The following PWWP2B variants were observed in gnomAD, a reference collection of about 807,000 sequenced individuals.
PWWP2B encodes the protein PWWP domain containing 2B.
In PWWP2B, 9 loss-of-function variants were observed where a neutral mutation model predicts 15.5. The ratio of observed to expected loss-of-function variants is 0.58; its 90% CI spans 0.35 to 1.02. The LOEUF is 1.02. PWWP2B is among the 50% of genes least tolerant of loss of function. PWWP2B has a pLI of 0.02. For synonymous variants in PWWP2B, 474 were observed against 403.6 expected (o/e 1.17, Z -2.09); for missense variants, 864 against 865.3 (o/e 1.00, Z 0.02).
At chr10:132,399,400 G>T (rs989476285) in intron 1 of PWWP2B, among the ~76,000 whole-genome samples, 40 of 152,258 alleles carry the variant, frequency 2.6e-4, no homozygotes, top group Non-Finnish European at 5.1e-4. Flanking sequence ...GGGAATGGCG[G>T]CCCCGCTCAC....
rs372035621 is a variant in PWWP2B, at chr10:132,406,108, G to T, written c.1608G>T (p.Thr536=). 1.2e-6 allele frequency: 2 copies of T among 1,613,846 alleles called. No homozygotes were observed. The highest frequency in any genetic ancestry group is 2.2e-5 in the East Asian group (1 of 44,888). Residue 536 remains threonine (T), a synonymous_variant, in exon 2 of 3, where the codon ACG becomes ACT. Transcript: ENST00000305233. ...AKVSWFGSPT[T]SFLSISKLSP... ...TCTCGTGGTTTGGTTCTCCGACTAC[G>T]TCGTTCTTGTCTATTTCAAAACTCT...
At position 132,405,979 on chromosome 10, in the gene PWWP2B, C is replaced by T. The variant is rs375355048; in HGVS notation, c.1479C>T (p.Ile493=). The T allele has an allele frequency of 1.4e-5, 23 of 1,613,454 alleles. No homozygotes were observed. In the African/African-American group the frequency reaches 2.0e-4, roughly 14 times the overall value. Residue 493 remains isoleucine (I), a synonymous_variant, in exon 2 of 3, where the codon ATC becomes ATT. Transcript: ENST00000305233. ...GCAGGACTGTGGCCGTGGGGGACATCGTCTGGGGTAAGATCCATGGTTTTC... is the reference window on the plus strand; with the variant it reads ...GCAGGACTGTGGCCGTGGGGGACATTGTCTGGGGTAAGATCCATGGTTTTC... ...EDGRTVAVGD[I]VWGKIHGFPW...
At chr10:132,410,810 A>G (rs980474897) in intron 2 of PWWP2B, among the ~76,000 whole-genome samples, 1 of 152,198 alleles carries the variant, frequency 6.6e-6, no homozygotes, top group Admixed American at 6.5e-5. Flanking sequence ...GTGGGGACTC[A>G]ATGCTCTCCT....
rs767230881 is a variant in PWWP2B, at chr10:132,405,603, C to G, written c.1103C>G (p.Pro368Arg). The change falls in exon 2 of 3, where the codon CCC becomes CGC. Residue 368 changes from proline (P) to arginine (R), a missense_variant. This residue lies in a region of PWWP2B where 736 missense variants were observed against 687.7 expected (regional missense o/e 1.07). Transcript: ENST00000305233. ...NGYLRDSSPA[P>R]CADGPAGGLA... ...TACCTGCGGGACAGCTCGCCGGCGC[C>G]CTGTGCGGACGGCCCTGCCGGTGGG... The G allele has an allele frequency of 6.2e-7, 1 of 1,611,504 alleles. No homozygotes were observed. Among genetic ancestry groups the G allele is most frequent in the South Asian group, 1.1e-5 (1 of 91,076 alleles).
Position 132,406,132 on chromosome 10 carries a change from C to T in PWWP2B, c.1632C>T (p.Leu544=), listed in dbSNP as rs2133157034. ...PTTSFLSISK[L]SPFSEFFKLR... ...CGTCGTTCTTGTCTATTTCAAAACTCTCCCCTTTCTCTGAATTTTTCAAAC... is the reference window on the plus strand; with the variant it reads ...CGTCGTTCTTGTCTATTTCAAAACTTTCCCCTTTCTCTGAATTTTTCAAAC... Residue 544 remains leucine (L), a synonymous_variant, in exon 2 of 3, where the codon CTC becomes CTT. Transcript: ENST00000305233. The T allele has an allele frequency of 3.1e-6, 5 of 1,613,746 alleles. No individual in the cohort carries two copies. The highest frequency in any genetic ancestry group is 3.4e-6 in the Non-Finnish European group (4 of 1,180,016).
chr10:132,417,491 G>T lies in PWWP2B; in HGVS notation c.*447G>T, dbSNP rs189566763. 4.8e-6 allele frequency: 1 copy of T among 210,512 alleles called. No homozygotes were observed. The highest frequency in any genetic ancestry group is 9.6e-6 in the Non-Finnish European group (1 of 104,530). 13.0% of individuals were successfully genotyped at this position (210,512 alleles called of 1,614,324 possible). On this transcript the variant is annotated 3_prime_UTR_variant, in exon 3 of 3. Coordinates refer to ENST00000305233, the MANE Select transcript of PWWP2B (RefSeq NM_138499.4). ...GCTGTTCCCTGCCTCGCAGTGTCCT[G>T]GAGGCAGCTGTCTCGCAGACTCAGC...
chr10:132,400,449 C>T (rs886977152), intron 1 of PWWP2B, among the ~76,000 whole-genome samples: 3 of 152,136 alleles, frequency 2.0e-5, no homozygotes, highest in Non-Finnish European at 4.4e-5. Flanking sequence ...CACCTGGCCC[C>T]ACCTGCTCTC....
intron 2 of PWWP2B, among the ~76,000 whole-genome samples, chr10:132,415,707 A>G (rs2069843849): frequency 7.5e-6 from 1 of 132,806 alleles, no homozygotes; most frequent in African/African-American, 3.0e-5. Context: ...ACTCTCACAC[A>G]CATCCACTCA....
chr10:132,408,653 C>T (rs1191667898), intron 2 of PWWP2B, among the ~76,000 whole-genome samples: 4 of 152,222 alleles, frequency 2.6e-5, no homozygotes, highest in African/African-American at 9.6e-5. Flanking sequence ...TGGGCGGTGT[C>T]AGAAGCTTCC....
chr10:132,409,628 A>ACCACCCAC (rs57349418), intron 2 of PWWP2B, among the ~76,000 whole-genome samples: 1 of 143,608 alleles, frequency 7.0e-6, no homozygotes, highest in African/African-American at 2.7e-5. Context: ...TCTCTCCCTC[A>ACCACCCAC]CCACCCACCC....
In PWWP2B at chr10:132,404,752, C is replaced by T. The variant is rs371790880; in HGVS notation, c.252C>T (p.Ser84=). Residue 84 remains serine, a synonymous_variant, in exon 2 of 3, where the codon TCC becomes TCT. Coordinates refer to ENST00000305233, the MANE Select transcript of PWWP2B (RefSeq NM_138499.4). The stretch of plus-strand genomic sequence containing the variant: ...AGGTGATGCAGCTGGGGTCCAGCTC[C>T]CCCCCTCCTGCCCGCGGGGTTCAGC... ...DAEVMQLGSS[S]PPPARGVQPP... is the part of the protein sequence containing the mutation. 4 of 1,597,616 alleles carry T rather than the reference C, an allele frequency of 2.5e-6. No individual in the cohort carries two copies. The highest frequency in any genetic ancestry group is 2.7e-5 in the African/African-American group (2 of 74,662).
intron 2 of PWWP2B, among the ~76,000 whole-genome samples, chr10:132,408,786 C>T (rs368528070): frequency 6.6e-6 from 1 of 152,228 alleles, no homozygotes; most frequent in Admixed American, 6.5e-5. Context: ...ACCCCTCACT[C>T]TCTCTCAGCT....
At chr10:132,415,750 C>T (rs1564878999) in intron 2 of PWWP2B, among the ~76,000 whole-genome samples, 1 of 152,106 alleles carries the variant, frequency 6.6e-6, no homozygotes, top group African/African-American at 2.4e-5. Context: ...TCCACACACA[C>T]ACAATGTTTG....
At chr10:132,414,324 A>C (rs75725086) in intron 2 of PWWP2B, among the ~76,000 whole-genome samples, 6,598 of 152,300 alleles carry the variant, frequency 0.043, 193 homozygotes, top group Middle Eastern at 0.1. Context: ...GGATGGTTTT[A>C]ATGACCTCCT....
rs765792317 is a variant in PWWP2B, at chr10:132,405,840, C to G, written c.1340C>G (p.Ser447Trp). ...ACGCCGGCAGACACGGGTGACCTCT[C>G]GCCTGGCCACGGCGCGTCAGCGCCC... ...EGTPADTGDL[S>W]PGHGASAPSV... Residue 447 changes from serine to tryptophan, a missense_variant, in exon 2 of 3, where the codon TCG becomes TGG. By Grantham distance (177) the Ser-to-Trp change is radical. This residue lies in a region of PWWP2B where 736 missense variants were observed against 687.7 expected (regional missense o/e 1.07). Coordinates refer to ENST00000305233, the MANE Select transcript of PWWP2B (RefSeq NM_138499.4). 44 of 1,610,220 alleles carry G rather than the reference C, an allele frequency of 2.7e-5. No homozygotes were observed. Among genetic ancestry groups the G allele is most frequent in the Non-Finnish European group, 3.6e-5 (42 of 1,179,426 alleles).
At position 132,406,365 on chromosome 10, in the gene PWWP2B, C is replaced by T. The variant is rs1447067936; in HGVS notation, c.*16+76C>T. The T allele has an allele frequency of 2.8e-5, 37 of 1,301,778 alleles. No individual in the cohort carries two copies. The Admixed American group carries it at 2.9e-4, about 10-fold the overall frequency. 80.6% of individuals were successfully genotyped at this position (1,301,778 alleles called of 1,614,324 possible). A position where few individuals can be genotyped will look rare whatever the true frequency, so the allele number is the denominator to read the frequency against. On this transcript the variant is annotated intron_variant, in intron 2 of 2. Transcript: ENST00000305233. ...CTGTGTCCAGGCCATGCCTCTGCTC[C>T]GGGCCCTGAGGCCCAGGGAGCCGCC...
In PWWP2B at chr10:132,415,223, C is replaced by A. The variant is rs144526525; in HGVS notation, c.*17-1838C>A. Among the ~76,000 whole-genome samples the A allele has an allele frequency of 9.1e-3, 1,377 of 151,714 alleles. 14 individuals carry two copies. The highest frequency in any genetic ancestry group is 0.014 in the Non-Finnish European group (932 of 67,860). ...ATCCACATCCACTCTCACACACACA[C>A]CCACTCACACTCACACACATCCACT... On this transcript the variant is annotated intron_variant, in intron 2 of 2. Coordinates refer to ENST00000305233, the MANE Select transcript of PWWP2B (RefSeq NM_138499.4).
chr10:132,405,606 G>A lies in PWWP2B; in HGVS notation c.1106G>A (p.Cys369Tyr), dbSNP rs2069685705. 3.1e-6 allele frequency: 5 copies of A among 1,611,500 alleles called. No homozygotes were observed. In the South Asian group the frequency reaches 4.4e-5, roughly 14 times the overall value. Residue 369 changes from cysteine (C) to tyrosine (Y), a missense_variant, in exon 2 of 3, where the codon TGT becomes TAT. Around this residue, in one of 2 missense-constraint regions of PWWP2B, gnomAD observed 736 missense variants for 687.7 expected, o/e 1.07. Transcript: ENST00000305233. Reference protein sequence around the residue: ...GYLRDSSPAPCADGPAGGLAD... With the variant: ...GYLRDSSPAPYADGPAGGLAD... ...CTGCGGGACAGCTCGCCGGCGCCCT[G>A]TGCGGACGGCCCTGCCGGTGGGCTG... is the stretch of plus-strand genomic sequence containing the variant.
chr10:132,417,332 C>T lies in PWWP2B; in HGVS notation c.*288C>T. 1.9e-6 allele frequency: 1 copy of T among 523,736 alleles called. No individual in the cohort carries two copies. The highest frequency in any genetic ancestry group is 3.4e-6 in the Non-Finnish European group (1 of 294,628). The allele number at this position is 523,736 out of a possible 1,614,324, so 32.4% of individuals were successfully genotyped here. A position where few individuals can be genotyped will look rare whatever the true frequency, so the allele number is the denominator to read the frequency against. On this transcript the variant is annotated 3_prime_UTR_variant, in exon 3 of 3. Coordinates refer to ENST00000305233, the MANE Select transcript of PWWP2B (RefSeq NM_138499.4). The stretch of plus-strand genomic sequence containing the variant: ...CTCGTGACTTGCTGGCTGCTGGCTG[C>T]TGCTGCCTCGCGCGCTGGGGTTCCA...
Sources: allele counts gnomAD v4.1 joint callset (sites outside exome capture counted in the v4.1 genomes callset), GRCh38; gene constraint gnomAD v4.1.1; regional missense constraint gnomAD v4.1.1; transcripts MANE v1.5; gene names NCBI Gene and HGNC (gene_info 2026-07-23, HGNC 2026-07-21).